Variants in SDK1 observed in about 807,000 individuals in gnomAD.
SDK1 encodes the protein protein sidekick-1.
A neutral mutation model predicts 245.5 loss-of-function variants in SDK1; 157 were observed. The observed-to-expected ratio is 0.64, with a 90% CI of 0.56 to 0.73. The LOEUF is 0.73. Ranked by LOEUF, SDK1 falls within the 30% of genes least tolerant of loss-of-function variation. The pLI is 0.00. For synonymous variants in SDK1, 1,647 were observed against 1,278.5 expected (o/e 1.29, Z -6.15); for missense variants, 3,583 against 3,002.3 (o/e 1.19, Z -4.52).
At chr7:3,709,883 C>G (rs1434087879) in intron 4 of SDK1, among the ~76,000 whole-genome samples, 1 of 152,212 alleles carries the variant, frequency 6.6e-6, no homozygotes, top group Non-Finnish European at 1.5e-5. Flanking sequence ...CACAGGGGTC[C>G]TGGCCCCAGC....
At chr7:3,580,275 A>C (rs1000678587) in intron 1 of SDK1, among the ~76,000 whole-genome samples, 1 of 152,226 alleles carries the variant, frequency 6.6e-6, no homozygotes. Flanking sequence ...CATTCTTCAC[A>C]AAACTGGAAA....
At position 4,042,206 on chromosome 7, in the gene SDK1, G is replaced by A. The variant is rs1788688774; in HGVS notation, c.2603-7142G>A. ...CTCTGGGTCCCTGTGTAACCTATCC[G>A]AGGCACAGTGAGAGACCACTGCACT... On this transcript the variant is annotated intron_variant, in intron 17 of 44. Transcript: ENST00000404826. Among the ~76,000 whole-genome samples the A allele has an allele frequency of 2.9e-5, 4 of 135,922 alleles. 1 individual carries two copies. The highest frequency in any genetic ancestry group is 4.5e-4 in the South Asian group (2 of 4,416). 89.2% of individuals were successfully genotyped at this position (135,922 alleles called of 152,430 possible). A position where few individuals can be genotyped will look rare whatever the true frequency, so the allele number is the denominator to read the frequency against.
intron 5 of SDK1, among the ~76,000 whole-genome samples, chr7:3,878,770 CT>C (rs565103346): frequency 1.4e-3 from 217 of 151,946 alleles, no homozygotes; most frequent in African/African-American, 4.9e-3. Flanking sequence ...AAATAATCAT[CT>C]TTTTTTTAAT....
At chr7:3,519,203 G>T (rs1782848473) in intron 1 of SDK1, among the ~76,000 whole-genome samples, 1 of 152,098 alleles carries the variant, frequency 6.6e-6, no homozygotes, top group Non-Finnish European at 1.5e-5. Flanking sequence ...TAGATAGGAA[G>T]AATCAGTTCA....
chr7:3,644,845 G>T (rs983950114), intron 4 of SDK1, among the ~76,000 whole-genome samples: 1 of 146,994 alleles, frequency 6.8e-6, no homozygotes, highest in Admixed American at 6.9e-5. Context: ...ATACATTCTT[G>T]TATAAATATT....
At chr7:3,949,868 A>G (rs1224043210) in intron 5 of SDK1, among the ~76,000 whole-genome samples, 1 of 152,216 alleles carries the variant, frequency 6.6e-6, no homozygotes, top group Non-Finnish European at 1.5e-5. Context: ...CTGCAGTAAC[A>G]GAACTGAACC....
chr7:4,068,029 G>T (rs987844763), intron 20 of SDK1, 93 bp downstream of exon 20: 10 of 866,498 alleles, frequency 1.2e-5, no homozygotes, highest in Middle Eastern at 2.2e-4. Context: ...TGACAGCATG[G>T]ACCCGTGCCC....
At chr7:3,554,054 G>T (rs13307129) in intron 1 of SDK1, among the ~76,000 whole-genome samples, 1 of 152,172 alleles carries the variant, frequency 6.6e-6, no homozygotes, top group African/African-American at 2.4e-5. Context: ...TGACTGCCTA[G>T]ACAGGAAATC....
chr7:3,550,314 T>C (rs955436386), intron 1 of SDK1, among the ~76,000 whole-genome samples: 1 of 152,200 alleles, frequency 6.6e-6, no homozygotes, highest in Admixed American at 6.5e-5. Flanking sequence ...TATATTGTAG[T>C]CATTTGCGTT....
At chr7:4,080,449 C>T (rs1009017855) in intron 22 of SDK1, among the ~76,000 whole-genome samples, 2 of 152,126 alleles carry the variant, frequency 1.3e-5, no homozygotes, top group Non-Finnish European at 2.9e-5. Context: ...GTAGTAAAAT[C>T]CTTGTGGTTT....
rs1488560666 is a variant in SDK1 at position 4,265,608 on chromosome 7, C to G, written c.*224C>G. The G allele has an allele frequency of 6.7e-6, 9 of 1,335,474 alleles. No homozygotes were observed. Among genetic ancestry groups the G allele is most frequent in the African/African-American group, 1.5e-5 (1 of 64,614 alleles). 82.7% of individuals were successfully genotyped at this position (1,335,474 alleles called of 1,614,324 possible). On this transcript the variant is annotated 3_prime_UTR_variant, in exon 45 of 45. Coordinates refer to ENST00000404826, the MANE Select transcript of SDK1 (RefSeq NM_152744.4). ...GCAGGAAGCAGGTTTGTTTCTTTTT[C>G]TTTTCTTTTTAAGAGAAGGTGTATT...
At chr7:3,813,379 G>A (rs1227349717) in intron 4 of SDK1, among the ~76,000 whole-genome samples, 5 of 145,670 alleles carry the variant, frequency 3.4e-5, no homozygotes, top group Non-Finnish European at 6.0e-5. Context: ...TTTTGTTCTT[G>A]CGATAGTTTA....
intron 40 of SDK1, among the ~76,000 whole-genome samples, chr7:4,223,705 A>G (rs1011845638): frequency 1.2e-4 from 19 of 152,316 alleles, no homozygotes; most frequent in Admixed American, 3.3e-4. Context: ...TTTCCAAATA[A>G]GCTCATTGGG....
rs113088067 is a variant in SDK1, at chr7:4,208,812, G to A, written c.5401+527G>A. On this transcript the variant is annotated intron_variant, in intron 37 of 44. Coordinates refer to ENST00000404826, the MANE Select transcript of SDK1 (RefSeq NM_152744.4). ...TCCCGAGGGCTCAGACAGGTGCTGC[G>A]CTGCTGTGGCCTCATCTCCACGCAC... 3.9e-3 allele frequency among the ~76,000 whole-genome samples: 587 copies of A among 152,338 alleles called. 3 individuals carry two copies. Among genetic ancestry groups the A allele is most frequent in the African/African-American group, 0.012 (513 of 41,580 alleles).
intron 1 of SDK1, among the ~76,000 whole-genome samples, chr7:3,564,393 A>G (rs1258076156): frequency 3.9e-5 from 6 of 152,052 alleles, no homozygotes. Flanking sequence ...GGAGGCCGAG[A>G]CAGGATAATT....
In SDK1 at chr7:3,619,090, T is replaced by G. The variant is rs766316407; in HGVS notation, c.309T>G (p.Ala103=). The G allele has an allele frequency of 9.1e-5, 145 of 1,599,850 alleles. 1 individual carries two copies. The East Asian group carries it at 2.9e-3, about 32-fold the overall frequency. The change falls in exon 2 of 45, where the codon GCT becomes GCG. Residue 103 remains alanine (A), a synonymous_variant. Coordinates refer to ENST00000404826, the MANE Select transcript of SDK1 (RefSeq NM_152744.4). ...TTTTTAATATTTCAGATGATGTTGC[T>G]CCATATTTTAAAACGGAGCCAGGCC... ...LLRALAQDDV[A]PYFKTEPGLP... is the part of the protein sequence containing the mutation.
chr7:3,656,201 C>G (rs545623243), intron 4 of SDK1, among the ~76,000 whole-genome samples: 1 of 152,180 alleles, frequency 6.6e-6, no homozygotes, highest in South Asian at 2.1e-4. Flanking sequence ...CTCCATCCTT[C>G]CCTTCTCCTT....
At chr7:4,252,404 T>G in intron 44 of SDK1, among the ~76,000 whole-genome samples, 2 of 152,184 alleles carry the variant, frequency 1.3e-5, no homozygotes, top group Non-Finnish European at 2.9e-5. Flanking sequence ...TTTTTATGGC[T>G]GCATAGTATT....
intron 4 of SDK1, among the ~76,000 whole-genome samples, chr7:3,784,415 A>G (rs1049250936): frequency 3.3e-5 from 5 of 152,156 alleles, no homozygotes; most frequent in African/African-American, 7.2e-5. Flanking sequence ...GAGAAACTAT[A>G]AAACTAATCT....
Sources: gnomAD v4.1 joint callset for allele counts (sites outside exome capture counted in the v4.1 genomes callset) on GRCh38, gnomAD v4.1.1 for gene constraint, MANE v1.5 for transcripts, NCBI Gene and HGNC (gene_info 2026-07-23, HGNC 2026-07-21) for gene names.